CCDC68: variants seen among roughly 807,000 people sequenced by gnomAD.
CCDC68 encodes coiled-coil domain containing 68.
CCDC68 carries 45 observed loss-of-function variants against 47.1 expected under a neutral mutation model. That is an observed-to-expected ratio of 0.96 (90% CI 0.75 to 1.23). The LOEUF is 1.23. Among genes scored for constraint, CCDC68 ranks in the 50% most tolerant of loss-of-function variants. The pLI, the probability that CCDC68 is intolerant of heterozygous loss-of-function variation, is 0.00. For synonymous variants in CCDC68, 131 were observed against 129.5 expected, an observed-to-expected ratio of 1.01 and a Z score of -0.08; for missense variants, 353 against 373.6, an observed-to-expected ratio of 0.94 and a Z score of 0.45.
chr18:54,929,422 A>G (rs61026222), intron 7 of CCDC68, among the ~76,000 whole-genome samples: 9,665 of 152,300 alleles, frequency 0.063, 726 homozygotes, highest in African/African-American at 0.18. Flanking sequence ...TTGCAATTTT[A>G]TGATGCTAGG....
At chr18:54,920,655 C>A (rs2044042043) in intron 8 of CCDC68, among the ~76,000 whole-genome samples, 1 of 152,118 alleles carries the variant, frequency 6.6e-6, no homozygotes, top group Non-Finnish European at 1.5e-5. Context: ...TACCATCTCG[C>A]AGCAGTCATA....
At chr18:54,936,151 T>A (rs1026123963) in intron 6 of CCDC68, among the ~76,000 whole-genome samples, 2 of 145,752 alleles carry the variant, frequency 1.4e-5, no homozygotes, top group Non-Finnish European at 3.0e-5. Flanking sequence ...TATTATATAT[T>A]TATTTATTAT....
chr18:54,936,222 CTATATATTTTTAAAAAATATATAGT>C (rs1197588920), intron 6 of CCDC68, among the ~76,000 whole-genome samples: 9 of 121,300 alleles, frequency 7.4e-5, no homozygotes, highest in Admixed American at 3.4e-4. Context: ...AAATATATAT[CTATATATTTTTAAAAAATATATAGT>C]TATATATATT....
intron 1 of CCDC68, among the ~76,000 whole-genome samples, chr18:54,956,649 G>A (rs189235508): frequency 1.7e-3 from 259 of 152,084 alleles, no homozygotes; most frequent in African/African-American, 5.8e-3. Context: ...ACTGAAAAAA[G>A]CCAGATGCTA....
chr18:54,951,411 G>T (rs1326375565), intron 1 of CCDC68, among the ~76,000 whole-genome samples: 1 of 152,230 alleles, frequency 6.6e-6, no homozygotes, highest in South Asian at 2.1e-4. Flanking sequence ...TGCCAGGTAG[G>T]GTATGCTCTC....
At chr18:54,907,106 T>C (rs1394122418) in intron 11 of CCDC68, among the ~76,000 whole-genome samples, 1 of 152,196 alleles carries the variant, frequency 6.6e-6, no homozygotes, top group East Asian at 1.9e-4. Flanking sequence ...GAATGATACA[T>C]ATAATTAGAG....
At chr18:54,953,621 G>A (rs1689792000) in intron 1 of CCDC68, among the ~76,000 whole-genome samples, 1 of 143,044 alleles carries the variant, frequency 7.0e-6, no homozygotes, top group South Asian at 2.4e-4. Context: ...CAACTGGGCT[G>A]CTGATTCTAG....
chr18:54,911,344 C>T (rs1171740200), intron 10 of CCDC68, among the ~76,000 whole-genome samples: 1 of 152,188 alleles, frequency 6.6e-6, no homozygotes, highest in Non-Finnish European at 1.5e-5. Flanking sequence ...AGCCACTGCA[C>T]CTGGCCTACA....
At chr18:54,922,243 A>G (rs1412321371) in intron 8 of CCDC68, among the ~76,000 whole-genome samples, 1 of 152,146 alleles carries the variant, frequency 6.6e-6, no homozygotes, top group Non-Finnish European at 1.5e-5. Context: ...CAGCACCCCC[A>G]GCGGGTAAGG....
chr18:54,933,691 T>A (rs1475258314), intron 7 of CCDC68, among the ~76,000 whole-genome samples: 2 of 152,226 alleles, frequency 1.3e-5, no homozygotes, highest in Non-Finnish European at 2.9e-5. Context: ...ATAAACTAAT[T>A]GCTTAAGGAG....
intron 5 of CCDC68, 44 bp downstream of exon 5, chr18:54,937,913 T>G (rs763040950): frequency 1.6e-5 from 25 of 1,575,118 alleles, no homozygotes; most frequent in Non-Finnish European, 2.2e-5. Context: ...TTCTATTAGC[T>G]CGAAGGCTCA....
intron 2 of CCDC68, 38 bp from the exon 3 acceptor site, chr18:54,942,841 G>C (rs776441141): frequency 1.8e-6 from 2 of 1,093,564 alleles, no homozygotes; most frequent in Non-Finnish European, 2.8e-6. Flanking sequence ...AAAACAGACT[G>C]TTTTGATTGT....
chr18:54,923,037 GA>G (rs1342376484), intron 8 of CCDC68, among the ~76,000 whole-genome samples: 1 of 130,646 alleles, frequency 7.7e-6, no homozygotes, highest in African/African-American at 2.8e-5. Context: ...AGGGCAAACA[GA>G]AATTGGGTCC....
At chr18:54,935,120 ACAACATT>A (rs1195673541) in intron 6 of CCDC68, among the ~76,000 whole-genome samples, 172 bp from the exon 7 acceptor site, 7 of 152,224 alleles carry the variant, frequency 4.6e-5, no homozygotes, top group Non-Finnish European at 8.8e-5. Flanking sequence ...ATAGACTACA[ACAACATT>A]AAATAGAGAA....
chr18:54,933,845 C>T (rs892569882), intron 7 of CCDC68, among the ~76,000 whole-genome samples: 6 of 152,156 alleles, frequency 3.9e-5, no homozygotes, highest in African/African-American at 1.4e-4. Flanking sequence ...ACCAAGACTA[C>T]AAATTCAACC....
In CCDC68 at chr18:54,926,489, A is replaced by G. The variant is rs532495287; in HGVS notation, c.683+2311T>C. On this transcript the variant is annotated intron_variant, in intron 8 of 11. Transcript: ENST00000591504. ...CCTCCCACCAGGTTTCTCCCATGAC[A>G]TGTAGGGATTATGGGAACTACAATT... Among the ~76,000 whole-genome samples the G allele has an allele frequency of 4.6e-5, 7 of 152,308 alleles. No homozygotes were observed. The East Asian group carries it at 1.3e-3, about 29-fold the overall frequency.
intron 8 of CCDC68, among the ~76,000 whole-genome samples, chr18:54,920,482 C>G (rs2044039130): frequency 6.6e-6 from 1 of 152,018 alleles, no homozygotes; most frequent in South Asian, 2.1e-4. Context: ...CTCAGCTGAT[C>G]CACCCACCTC....
At chr18:54,916,538 C>G (rs1292990105) in intron 10 of CCDC68, among the ~76,000 whole-genome samples, 1 of 152,002 alleles carries the variant, frequency 6.6e-6, no homozygotes, top group African/African-American at 2.4e-5. Flanking sequence ...AATCAAAATA[C>G]TGAGGGATGG....
chr18:54,938,808 C>G (rs2044391823), intron 4 of CCDC68, among the ~76,000 whole-genome samples: 1 of 152,228 alleles, frequency 6.6e-6, no homozygotes, highest in African/African-American at 2.4e-5. Flanking sequence ...TCTGTTCTTT[C>G]AATTTATTTC....
Sources: gnomAD v4.1 joint callset for allele counts (sites outside exome capture counted in the v4.1 genomes callset) on GRCh38, gnomAD v4.1.1 for gene constraint, MANE v1.5 for transcripts, NCBI Gene and HGNC (gene_info 2026-07-23, HGNC 2026-07-21) for gene names.